BCL11A: variants seen among roughly 807,000 people sequenced by gnomAD.
BCL11A encodes B cell CLL/lymphoma 11A.
BCL11A carries 2 observed loss-of-function variants against 55.9 expected under a neutral mutation model. That is an observed-to-expected ratio of 0.04 (90% confidence interval 0.01 to 0.11). BCL11A has a LOEUF of 0.11. BCL11A is among the 10% of genes least tolerant of loss of function. The pLI, the probability that BCL11A is intolerant of heterozygous loss-of-function variation, is 1.00. For synonymous variants in BCL11A, 465 were observed against 473.4 expected, an observed-to-expected ratio of 0.98 and a Z score of 0.23; for missense variants, 817 against 1,137.1, an observed-to-expected ratio of 0.72 and a Z score of 4.05.
At position 60,493,456 on chromosome 2, in the gene BCL11A, A is replaced by G. The variant is rs549095317; in HGVS notation, c.386-24623T>C. Among the ~76,000 whole-genome samples the G allele has an allele frequency of 2.6e-5, 4 of 152,186 alleles. No individual in the cohort carries two copies. In the East Asian group the frequency reaches 7.7e-4, roughly 29 times the overall value. ...TGGAGAGTTCAACTCCAAACCCTATATCCCAGCTATCTGTTTGGCTCAGCT... is the reference window on the plus strand; with the variant it reads ...TGGAGAGTTCAACTCCAAACCCTATGTCCCAGCTATCTGTTTGGCTCAGCT... On this transcript the variant is annotated intron_variant, in intron 2 of 3. Transcript: ENST00000642384.
At chr2:60,526,002 G>T (rs920051409) in intron 2 of BCL11A, 1 of 152,176 alleles carries the variant, frequency 6.6e-6, no homozygotes, top group Non-Finnish European at 1.5e-5. Flanking sequence ...CATACTACAG[G>T]CAGATACTGT....
exon 5 of BCL11A, chr2:60,451,191 T>A (rs538449835): frequency 4.9e-6 from 1 of 204,146 alleles, no homozygotes; most frequent in Non-Finnish European, 1.0e-5. Context: ...TTATTATGAA[T>A]AAGCAGGAAA....
intron 2 of BCL11A, among the ~76,000 whole-genome samples, chr2:60,503,870 T>G (rs1270750255): frequency 6.6e-6 from 1 of 152,270 alleles, no homozygotes; most frequent in East Asian, 1.9e-4. Context: ...GCAATTCACA[T>G]TCATCTAAAC....
At chr2:60,498,160 A>C (rs1199774944) in intron 2 of BCL11A, among the ~76,000 whole-genome samples, 1 of 151,730 alleles carries the variant, frequency 6.6e-6, no homozygotes, top group Non-Finnish European at 1.5e-5. Flanking sequence ...TCAGACCCCA[A>C]GCAGGAAGGG....
At chr2:60,545,893 T>C (rs1290544060) in intron 2 of BCL11A, 78 bp downstream of exon 2, 6 of 1,261,756 alleles carry the variant, frequency 4.8e-6, no homozygotes, top group Non-Finnish European at 6.8e-6. Flanking sequence ...ACTTCACAAC[T>C]CCTTACTGCT....
At chr2:60,507,007 A>C (rs1425168701) in intron 2 of BCL11A, among the ~76,000 whole-genome samples, 1 of 152,190 alleles carries the variant, frequency 6.6e-6, no homozygotes. Context: ...CTGTTTAAAA[A>C]TAAATTAGCA....
chr2:60,462,462 A>G (rs1676372692), intron 3 of BCL11A, 38 bp from the exon 4 acceptor site: 6 of 1,558,418 alleles, frequency 3.9e-6, no homozygotes. Flanking sequence ...ATGTTTAATC[A>G]CTGAGGCGGG....
intron 2 of BCL11A, chr2:60,543,224 G>T (rs1670005482): frequency 6.6e-6 from 1 of 152,082 alleles, no homozygotes; most frequent in Admixed American, 6.6e-5. Context: ...AATAGTACAG[G>T]CTCACAGTGA....
At chr2:60,508,105 C>T (rs914730964) in intron 2 of BCL11A, among the ~76,000 whole-genome samples, 3 of 152,092 alleles carry the variant, frequency 2.0e-5, no homozygotes, top group African/African-American at 7.2e-5. Context: ...TGCTTACTGC[C>T]CTTTCTTTCA....
chr2:60,527,441 G>A (rs184603869), intron 2 of BCL11A: 8 of 152,468 alleles, frequency 5.2e-5, no homozygotes, highest in Admixed American at 4.6e-4. Context: ...AAGAGAAGGG[G>A]TGAGGGGGAA....
intron 2 of BCL11A, among the ~76,000 whole-genome samples, chr2:60,479,788 T>C (rs1677849240): frequency 6.6e-6 from 1 of 152,212 alleles, no homozygotes; most frequent in Admixed American, 6.5e-5. Flanking sequence ...GCCACAAAAA[T>C]TTGCCTCAGG....
chr2:60,538,922 C>T (rs953833415), intron 2 of BCL11A, among the ~76,000 whole-genome samples: 1 of 152,100 alleles, frequency 6.6e-6, no homozygotes, highest in African/African-American at 2.4e-5. Context: ...TGTAATTAAC[C>T]ATATGAAACA....
chr2:60,553,511 A>AAAAGGGG lies in BCL11A; in HGVS notation c.-242_-241insCCCCTTT, dbSNP rs1265148111. The AAAAGGGG allele has an allele frequency of 4.5e-6, 1 of 220,824 alleles. No individual in the cohort carries two copies. Among genetic ancestry groups the AAAAGGGG allele is most frequent in the African/African-American group, 1.7e-4 (1 of 5,766 alleles). 13.7% of individuals were successfully genotyped at this position (220,824 alleles called of 1,614,324 possible). On this transcript the variant is annotated 5_prime_UTR_variant, in exon 1 of 4. Coordinates refer to ENST00000642384, the MANE Select transcript of BCL11A (RefSeq NM_022893.4). ...AAAAAAAAAAAAAAAAAAAAAAAAA[A>AAAAGGGG]GAGGGAGAGAGAGAGAAGAGAGATA...
At chr2:60,550,190 A>G (rs763749100) in intron 1 of BCL11A, among the ~76,000 whole-genome samples, 1 of 152,026 alleles carries the variant, frequency 6.6e-6, no homozygotes, top group Middle Eastern at 3.2e-3. Context: ...GTTCCTCCCT[A>G]CCAAAAATGC....
intron 2 of BCL11A, among the ~76,000 whole-genome samples, chr2:60,469,974 G>A (rs1677109035): frequency 6.6e-6 from 1 of 152,174 alleles, no homozygotes; most frequent in South Asian, 2.1e-4. Flanking sequence ...AGAGCACTTA[G>A]AAGTGTTGTT....
intron 2 of BCL11A, chr2:60,527,642 CAGA>C (rs1444534109): frequency 6.6e-6 from 1 of 152,216 alleles, no homozygotes; most frequent in Non-Finnish European, 1.5e-5. Flanking sequence ...TTGGTTCTAG[CAGA>C]AGGACTTACC....
At chr2:60,522,204 TCA>T (rs1669025621) in intron 2 of BCL11A, 1 of 152,368 alleles carries the variant, frequency 6.6e-6, no homozygotes, top group Non-Finnish European at 1.5e-5. Context: ...CCACCACAGC[TCA>T]CAGTCATTCT....
At position 60,475,199 on chromosome 2, in the gene BCL11A, C is replaced by T. The variant is rs151334637; in HGVS notation, c.386-6366G>A. On this transcript the variant is annotated intron_variant, in intron 2 of 3. Coordinates refer to ENST00000642384, the MANE Select transcript of BCL11A (RefSeq NM_022893.4). The stretch of plus-strand genomic sequence containing the variant: ...TTCATCCAGTTGACAGCGGAGGATA[C>T]GACCATCTAAATAAATCCTCTGAAG... Among the ~76,000 whole-genome samples the T allele has an allele frequency of 3.6e-3, 550 of 152,288 alleles. 1 individual carries two copies. The highest frequency in any genetic ancestry group is 0.017 in the East Asian group (87 of 5,182).
intron 2 of BCL11A, chr2:60,544,373 T>C (rs1670059320): frequency 6.6e-6 from 1 of 152,188 alleles, no homozygotes; most frequent in South Asian, 2.1e-4. Flanking sequence ...CACATGGAAA[T>C]GGTCATTCCC....
Sources: gnomAD v4.1 joint callset for allele counts (sites outside exome capture counted in the v4.1 genomes callset) on GRCh38, gnomAD v4.1.1 for gene constraint, MANE v1.5 for transcripts, NCBI Gene and HGNC (gene_info 2026-07-23, HGNC 2026-07-21) for gene names.